Variants in GTPBP6 observed in about 807,000 individuals in gnomAD.
GTPBP6 encodes the protein putative GTP-binding protein 6.
Under a neutral mutation model 28.9 loss-of-function variants are expected in GTPBP6, and 33 were observed. The ratio of observed to expected loss-of-function variants is 1.14; its 90% CI spans 0.87 to 1.53. The LOEUF is 1.53. Among genes scored for constraint, GTPBP6 ranks in the 40% most tolerant of loss-of-function variants. The pLI is 0.00. For missense variants in GTPBP6, 507 were observed against 408.3 expected, an observed-to-expected ratio of 1.24 and a Z score of -2.08; for synonymous variants, 231 against 192.7, an observed-to-expected ratio of 1.20 and a Z score of -1.65.
intron 4 of GTPBP6, 135 bp from the exon 5 acceptor site, chrX:314,352 G>A (rs943469003): frequency 5.7e-5 from 43 of 757,262 alleles, no homozygotes; most frequent in South Asian, 8.8e-5. Flanking sequence ...GCCCCGCTCC[G>A]CGTGTAGCTC....
chrX:307,596 G>A (rs1375156599), intron 8 of GTPBP6, 84 bp from the exon 9 acceptor site: 103 of 1,492,622 alleles, frequency 6.9e-5, no homozygotes, highest in South Asian at 5.4e-4. Context: ...CACTGCCCAC[G>A]GGGCACAGTC....
chrX:317,702 C>T (rs1312378701), intron 1 of GTPBP6, among the ~76,000 whole-genome samples: 1 of 68,954 alleles, frequency 1.5e-5, no homozygotes, highest in East Asian at 7.8e-4. Context: ...CCCAACCCCA[C>T]CCCACCCCAC....
chrX:306,741 C>G (rs1246530761), intron 9 of GTPBP6, among the ~76,000 whole-genome samples: 1 of 147,458 alleles, frequency 6.8e-6, no homozygotes, highest in Non-Finnish European at 1.5e-5. Flanking sequence ...TTTTGGCTGT[C>G]AAGCACAGAT....
intron 6 of GTPBP6, 121 bp from the exon 7 acceptor site, chrX:311,748 C>T (rs1367260615): frequency 6.3e-5 from 51 of 808,946 alleles, no homozygotes; most frequent in African/African-American, 3.5e-4. Context: ...CCGGGCTACA[C>T]GGTCCCTGAG....
rs777945283 is a variant in GTPBP6, at chrX:308,929, A to G, written c.1126-1049T>C. Among the ~76,000 whole-genome samples the G allele has an allele frequency of 5.4e-3, 823 of 151,538 alleles. 5 individuals are homozygous for G. Among genetic ancestry groups the G allele is most frequent in the Middle Eastern group, 0.01 (3 of 288 alleles). On this transcript the variant is annotated intron_variant, in intron 7 of 9. Transcript: ENST00000326153. ...TTTTTATATTTTTAGTAGAGACGGG[A>G]TTTCGCCGTGGTCTCGATCTCCTGA...
rs2070347680 is a variant in GTPBP6 at position 313,055 on chromosome X, C to T, written c.758-131G>A. The T allele has an allele frequency of 2.4e-5, 17 of 720,600 alleles. No homozygotes were observed. In the South Asian group the frequency reaches 2.9e-4, roughly 12 times the overall value. The allele number at this position is 720,600 out of a possible 1,614,324, so 44.6% of individuals were successfully genotyped here. ...AGCATCTGGGGGCCCGGCTGCTTTC[C>T]CCAGCAGCGGCCCCGACACGTCCTG... On this transcript the variant is annotated intron_variant, in intron 5 of 9. Coordinates refer to ENST00000326153, the Ensembl canonical transcript of GTPBP6.
intron 4 of GTPBP6, 147 bp from the exon 5 acceptor site, chrX:314,364 C>G (rs9635647): frequency 0.67 from 481,257 of 721,074 alleles, 162,812 homozygotes; most frequent in African/African-American, 0.75. Context: ...GTGTAGCTCA[C>G]ACACTGTGAG....
At chrX:314,997 G>C in exon 4 of GTPBP6, 1 of 398,672 alleles carries the variant, frequency 2.5e-6, no homozygotes, top group Non-Finnish European at 4.4e-6. Context: ...ACACCTCCAC[G>C]CCCCAGGCGG....
intron 6 of GTPBP6, chrX:311,906 C>T (rs1341282020): frequency 8.4e-6 from 5 of 597,144 alleles, no homozygotes; most frequent in Non-Finnish European, 1.2e-5. Flanking sequence ...GGAGTGAGGT[C>T]GTCTGTGTAG....
At chrX:305,232 G>C in intron 9 of GTPBP6, 35 bp from the exon 10 acceptor site, 1 of 1,475,090 alleles carries the variant, frequency 6.8e-7, no homozygotes, top group Non-Finnish European at 9.5e-7. Flanking sequence ...GAGACAAGCA[G>C]AACCCGTAAG....
At chrX:314,249 G>A (rs761910306) in intron 4 of GTPBP6, 32 bp from the exon 5 acceptor site, 3 of 1,573,392 alleles carry the variant, frequency 1.9e-6, no homozygotes, top group East Asian at 4.5e-5. Context: ...CTCGGTCTCT[G>A]CGGACGCTGT....
At chrX:305,264 AAT>A (rs2070132196) in intron 9 of GTPBP6, 67 bp from the exon 10 acceptor site, 1 of 1,196,950 alleles carries the variant, frequency 8.4e-7, no homozygotes, top group African/African-American at 1.5e-5. Flanking sequence ...TTTCATGATA[AAT>A]AATTACGCTA....
intron 6 of GTPBP6, 29 bp downstream of exon 6, chrX:312,737 G>C: frequency 6.3e-7 from 1 of 1,589,152 alleles, no homozygotes; most frequent in East Asian, 2.3e-5. Flanking sequence ...GGAGACCGCG[G>C]AAGGCCCCTC....
chrX:307,994 G>A (rs1195743299), intron 7 of GTPBP6, 114 bp from the exon 8 acceptor site: 1 of 966,972 alleles, frequency 1.0e-6, no homozygotes, highest in African/African-American at 1.7e-5. Context: ...GCTGGGCATG[G>A]GAGGTACGCC....
exon 10 of GTPBP6, chrX:304,936 G>C: frequency 6.8e-7 from 1 of 1,467,234 alleles, no homozygotes; most frequent in Middle Eastern, 2.5e-4. Flanking sequence ...CCAGCAAATG[G>C]CTGGGAGCGA....
At chrX:307,465 C>T in exon 9 of GTPBP6, 2 of 1,611,672 alleles carry the variant, frequency 1.2e-6, no homozygotes, top group East Asian at 4.5e-5. Flanking sequence ...GAGCCCGTGG[C>T]CCCGCAGGGC....
At chrX:312,630 CCT>C (rs1569351949) in intron 6 of GTPBP6, 134 bp downstream of exon 6, 1 of 911,470 alleles carries the variant, frequency 1.1e-6, no homozygotes, top group African/African-American at 1.6e-5. Flanking sequence ...ATGGGAACCC[CCT>C]CTCCTGGGCA....
intron 4 of GTPBP6, 99 bp from the exon 5 acceptor site, chrX:314,316 G>A: frequency 2.0e-6 from 2 of 998,028 alleles, no homozygotes; most frequent in Non-Finnish European, 3.2e-6. Context: ...TGGGCCTCTG[G>A]GCCGAAGGGA....
exon 7 of GTPBP6, chrX:311,574 C>T (rs1294850837): frequency 1.2e-6 from 2 of 1,612,394 alleles, no homozygotes; most frequent in Middle Eastern, 2.0e-4. Context: ...AACAGCTGGT[C>T]CCGTGGCTGG....
Sources: allele counts gnomAD v4.1 joint callset (sites outside exome capture counted in the v4.1 genomes callset), GRCh38; gene constraint gnomAD v4.1.1; transcripts MANE v1.5; gene names NCBI Gene and HGNC (gene_info 2026-07-23, HGNC 2026-07-21).